The following VPS50 variants were observed in gnomAD, a reference collection of about 807,000 sequenced individuals.
VPS50 encodes the protein syndetin.
In VPS50, 70 loss-of-function variants were observed where a neutral mutation model predicts 139.7. The observed-to-expected ratio is 0.50, with a 90% CI of 0.41 to 0.61. The LOEUF (loss-of-function observed/expected upper bound fraction) is 0.61, where lower values mean the gene tolerates loss of function less well. Among genes scored for constraint, VPS50 ranks in the 20% least tolerant of loss-of-function variants. The pLI, the probability that VPS50 is intolerant of heterozygous loss-of-function variation, is 0.00. For synonymous variants in VPS50, 365 were observed against 376.7 expected (o/e 0.97, Z 0.36); for missense variants, 921 against 1,133.7 (o/e 0.81, Z 2.69).
chr7:93,278,610 A>AAT (rs1796232445), intron 12 of VPS50, among the ~76,000 whole-genome samples: 1 of 150,714 alleles, frequency 6.6e-6, no homozygotes, highest in Non-Finnish European at 1.5e-5. Flanking sequence ...AAAAAAAAAA[A>AAT]GCTGAGTGTA....
chr7:93,320,987 G>A (rs1654473273), intron 20 of VPS50: 1 of 152,170 alleles, frequency 6.6e-6, no homozygotes, highest in Admixed American at 6.5e-5. Context: ...TACAACAGAC[G>A]TTTTGAGATG....
At chr7:93,271,524 C>T (rs1480817851) in intron 10 of VPS50, among the ~76,000 whole-genome samples, 5 of 151,598 alleles carry the variant, frequency 3.3e-5, no homozygotes, top group Non-Finnish European at 7.4e-5. Context: ...GGTGTGTTCT[C>T]ATATAAATTA....
At chr7:93,254,894 A>G (rs914241513) in intron 4 of VPS50, among the ~76,000 whole-genome samples, 1 of 152,122 alleles carries the variant, frequency 6.6e-6, no homozygotes, top group Non-Finnish European at 1.5e-5. Context: ...TAATAATGCA[A>G]CTGTCAAACA....
At chr7:93,303,387 A>C (rs1458015167) in intron 16 of VPS50, 73 bp from the exon 17 acceptor site, 4 of 627,606 alleles carry the variant, frequency 6.4e-6, no homozygotes, top group Non-Finnish European at 8.5e-6. Context: ...TGTATTGTAC[A>C]TTATTTCCTC....
chr7:93,302,904 T>C (rs1360469385), intron 16 of VPS50, among the ~76,000 whole-genome samples: 2 of 152,044 alleles, frequency 1.3e-5, no homozygotes, highest in Non-Finnish European at 2.9e-5. Flanking sequence ...TGTAAGTGAT[T>C]AGTGTAATGT....
At chr7:93,345,762 T>C (rs1798372739) in intron 23 of VPS50, among the ~76,000 whole-genome samples, 1 of 152,144 alleles carries the variant, frequency 6.6e-6, no homozygotes, top group Non-Finnish European at 1.5e-5. Flanking sequence ...AAAAGGCCTT[T>C]GACAAAATTC....
At chr7:93,295,911 A>G (rs1348446170) in intron 14 of VPS50, among the ~76,000 whole-genome samples, 2 of 151,972 alleles carry the variant, frequency 1.3e-5, no homozygotes, top group African/African-American at 4.8e-5. Context: ...TTATTGGTGG[A>G]TATGGGGTCT....
intron 23 of VPS50, among the ~76,000 whole-genome samples, chr7:93,348,166 G>GCTA (rs1185275309): frequency 4.6e-5 from 7 of 152,270 alleles, no homozygotes; most frequent in Non-Finnish European, 8.8e-5. Flanking sequence ...GCAACTGCAG[G>GCTA]CAGTAGTCCA....
Position 93,281,047 on chromosome 7 carries a change from C to T in VPS50, c.942+4742C>T, listed in dbSNP as rs564653101. ...AGGTGTTTCCTTAGTAATTGGATTGCCATATTTGTCTCCAACTGGTGTGGT... is the reference window on the plus strand; with the variant it reads ...AGGTGTTTCCTTAGTAATTGGATTGTCATATTTGTCTCCAACTGGTGTGGT... On this transcript the variant is annotated intron_variant, in intron 12 of 27. Coordinates refer to ENST00000305866, the MANE Select transcript of VPS50 (RefSeq NM_017667.4). Among the ~76,000 whole-genome samples the T allele has an allele frequency of 2.6e-5, 4 of 152,068 alleles. No individual in the cohort carries two copies. In the East Asian group the frequency reaches 7.7e-4, roughly 29 times the overall value.
intron 16 of VPS50, among the ~76,000 whole-genome samples, chr7:93,301,731 C>G (rs2116964117): frequency 6.6e-6 from 1 of 152,238 alleles, no homozygotes; most frequent in East Asian, 1.9e-4. Context: ...TTGTTTAAGT[C>G]ACCTAGTTTG....
At chr7:93,354,516 T>C (rs1798645706) in intron 26 of VPS50, among the ~76,000 whole-genome samples, 1 of 151,910 alleles carries the variant, frequency 6.6e-6, no homozygotes, top group South Asian at 2.1e-4. Context: ...CTGTTCTTGA[T>C]CTCCTGGCCT....
At chr7:93,343,817 C>A (rs900755597) in intron 23 of VPS50, among the ~76,000 whole-genome samples, 2 of 152,150 alleles carry the variant, frequency 1.3e-5, no homozygotes, top group African/African-American at 4.8e-5. Flanking sequence ...CCTAAAAGAG[C>A]TCCTGAAGGA....
In VPS50 at chr7:93,291,697, C is replaced by G. The variant is rs1796653493; in HGVS notation, c.943-6C>G. Reference sequence around the variant, plus strand: ...TTTGAAAGTTGTCTCTTATCATTTTCTTTAGCATGTTACACCAGACAGCTA... The same window carrying G: ...TTTGAAAGTTGTCTCTTATCATTTTGTTTAGCATGTTACACCAGACAGCTA... On this transcript the variant is annotated splice_region_variant and splice_polypyrimidine_tract_variant and intron_variant, in intron 12 of 27. Coordinates refer to ENST00000305866, the MANE Select transcript of VPS50 (RefSeq NM_017667.4). The G allele has an allele frequency of 2.0e-6, 3 of 1,479,798 alleles. No individual in the cohort carries two copies. Among genetic ancestry groups the G allele is most frequent in the Non-Finnish European group, 2.7e-6 (3 of 1,104,600 alleles). 91.7% of individuals were successfully genotyped at this position (1,479,798 alleles called of 1,614,324 possible).
At chr7:93,256,453 TAGAA>T (rs1795485407) in intron 4 of VPS50, 52 bp from the exon 5 acceptor site, 3 of 835,202 alleles carry the variant, frequency 3.6e-6, no homozygotes, top group Non-Finnish European at 5.5e-6. Flanking sequence ...TAAAATATCA[TAGAA>T]AGCATGAAGT....
intron 21 of VPS50, among the ~76,000 whole-genome samples, chr7:93,332,885 G>T (rs182438874): frequency 2.0e-5 from 3 of 152,310 alleles, no homozygotes; most frequent in Admixed American, 2.0e-4. Context: ...TATATACTAT[G>T]TGATTCCATT....
In VPS50 at chr7:93,263,044, T is replaced by C. The variant is rs184558730; in HGVS notation, c.659+3412T>C. Among the ~76,000 whole-genome samples the C allele has an allele frequency of 6.6e-5, 10 of 152,318 alleles. 1 individual carries two copies. The East Asian group carries it at 1.9e-3, about 29-fold the overall frequency. On this transcript the variant is annotated intron_variant, in intron 9 of 27. Coordinates refer to ENST00000305866, the MANE Select transcript of VPS50 (RefSeq NM_017667.4). ...AGATACACCTCTTTTTTTTTGTTTT[T>C]TTTTCTGTGCGTTTTTCTTTCTTTT...
At chr7:93,327,416 T>G (rs1459731973) in intron 21 of VPS50, among the ~76,000 whole-genome samples, 1 of 152,204 alleles carries the variant, frequency 6.6e-6, no homozygotes, top group Non-Finnish European at 1.5e-5. Context: ...CAAATGGTTT[T>G]GGGCATGATT....
At chr7:93,340,719 A>G (rs1002395763) in intron 22 of VPS50, 1 of 152,278 alleles carries the variant, frequency 6.6e-6, no homozygotes, top group African/African-American at 2.4e-5. Flanking sequence ...GTATATCATC[A>G]GATGAAAGTA....
At chr7:93,283,528 G>A (rs557752732) in intron 12 of VPS50, among the ~76,000 whole-genome samples, 22 of 152,234 alleles carry the variant, frequency 1.4e-4, no homozygotes, top group Admixed American at 1.0e-3. Flanking sequence ...GAGCCACCGC[G>A]CCTGGCCTAC....
Sources: allele counts gnomAD v4.1 joint callset (sites outside exome capture counted in the v4.1 genomes callset), GRCh38; gene constraint gnomAD v4.1.1; transcripts MANE v1.5; gene names NCBI Gene and HGNC (gene_info 2026-07-23, HGNC 2026-07-21).